The following DOCK2 variants were observed in gnomAD, a reference collection of about 807,000 sequenced individuals.
DOCK2 encodes the protein dedicator of cytokinesis protein 2.
DOCK2 carries 87 observed loss-of-function variants against 248.9 expected under a neutral mutation model. The observed-to-expected ratio is 0.35, with a 90% CI of 0.29 to 0.42. DOCK2 has a LOEUF of 0.42. DOCK2 is among the 10% of genes least tolerant of loss of function. DOCK2 has a pLI of 1.00. For missense variants in DOCK2, 1,747 were observed against 2,300.2 expected, an observed-to-expected ratio of 0.76 and a Z score of 4.92; for synonymous variants, 805 against 821.6, an observed-to-expected ratio of 0.98 and a Z score of 0.35.
At chr5:169,664,146 G>T (rs1302653229) in intron 2 of DOCK2, among the ~76,000 whole-genome samples, 1 of 152,176 alleles carries the variant, frequency 6.6e-6, no homozygotes, top group Admixed American at 6.5e-5. Context: ...TCTCTCTTAA[G>T]TTCAGATTTT....
intron 1 of DOCK2, among the ~76,000 whole-genome samples, chr5:169,653,568 C>T (rs112548886): frequency 0.016 from 2,361 of 152,282 alleles, 34 homozygotes; most frequent in Non-Finnish European, 0.023. Flanking sequence ...CCTTCCCTTG[C>T]GTAGCCCTCT....
At chr5:169,945,814 T>G (rs1053865506) in intron 27 of DOCK2, among the ~76,000 whole-genome samples, 2 of 152,228 alleles carry the variant, frequency 1.3e-5, no homozygotes, top group Non-Finnish European at 2.9e-5. Context: ...TTGTTTGGAT[T>G]CGCCCACGGC....
chr5:169,843,055 C>T (rs2113343294), intron 27 of DOCK2, among the ~76,000 whole-genome samples: 3 of 152,266 alleles, frequency 2.0e-5, no homozygotes, highest in Admixed American at 2.0e-4. Context: ...TGGTCACAAC[C>T]ACATTTTTCA....
At chr5:169,945,784 G>A (rs1041307427) in intron 27 of DOCK2, among the ~76,000 whole-genome samples, 1 of 152,210 alleles carries the variant, frequency 6.6e-6, no homozygotes, top group African/African-American at 2.4e-5. Context: ...TCAGCAGCCA[G>A]CACCTCTGGC....
At chr5:170,027,303 G>A (rs1755953562) in intron 33 of DOCK2, among the ~76,000 whole-genome samples, 1 of 152,122 alleles carries the variant, frequency 6.6e-6, no homozygotes, top group African/African-American at 2.4e-5. Flanking sequence ...CTGGAACTAG[G>A]GAGGGATGCT....
chr5:169,970,941 A>C (rs1777480123), intron 27 of DOCK2, among the ~76,000 whole-genome samples: 1 of 151,572 alleles, frequency 6.6e-6, no homozygotes, highest in South Asian at 2.1e-4. Context: ...CTTCAAAGGC[A>C]GGGGTTTTGC....
chr5:170,028,454 G>A (rs1268373487), intron 34 of DOCK2: 2 of 154,646 alleles, frequency 1.3e-5, no homozygotes, highest in Non-Finnish European at 2.9e-5. Context: ...CGAGCTAGTG[G>A]GGTGGACAAG....
chr5:169,900,126 AG>A (rs1410398535), intron 27 of DOCK2, among the ~76,000 whole-genome samples: 1 of 152,168 alleles, frequency 6.6e-6, no homozygotes, highest in Non-Finnish European at 1.5e-5. Context: ...GCTGGGCATC[AG>A]GAACACCTCC....
chr5:169,715,443 G>A (rs907242380), intron 19 of DOCK2, among the ~76,000 whole-genome samples: 7 of 152,074 alleles, frequency 4.6e-5, no homozygotes, highest in African/African-American at 9.7e-5. Context: ...TCCAGATGCC[G>A]TAAATGTATA....
intron 38 of DOCK2, among the ~76,000 whole-genome samples, chr5:170,045,413 C>T (rs144374096): frequency 1.3e-5 from 2 of 152,272 alleles, no homozygotes; most frequent in African/African-American, 2.4e-5. Context: ...AGAGCAAGGC[C>T]CTGGAGACAC....
intron 14 of DOCK2, among the ~76,000 whole-genome samples, chr5:169,703,427 C>T (rs1248124615): frequency 4.6e-5 from 7 of 152,210 alleles, no homozygotes; most frequent in Non-Finnish European, 8.8e-5. Flanking sequence ...GTGTCACTTA[C>T]AGTAACTCGC....
At chr5:169,672,371 A>T (rs924206781) in intron 5 of DOCK2, among the ~76,000 whole-genome samples, 1 of 152,146 alleles carries the variant, frequency 6.6e-6, no homozygotes, top group Non-Finnish European at 1.5e-5. Flanking sequence ...TCCCTTAGGA[A>T]ATCTTTGAAT....
intron 27 of DOCK2, among the ~76,000 whole-genome samples, chr5:169,879,014 G>A (rs1379745386): frequency 6.6e-6 from 1 of 152,194 alleles, no homozygotes; most frequent in East Asian, 1.9e-4. Flanking sequence ...GGCTTAGGGA[G>A]CAGAGAGAAG....
At chr5:169,901,197 G>A (rs557247940) in intron 27 of DOCK2, among the ~76,000 whole-genome samples, 98 of 152,274 alleles carry the variant, frequency 6.4e-4, no homozygotes, top group Admixed American at 1.6e-3. Context: ...CATGAAAAGA[G>A]GGTGTCCAGG....
chr5:170,006,084 T>C (rs916818440), intron 30 of DOCK2, among the ~76,000 whole-genome samples: 4 of 152,158 alleles, frequency 2.6e-5, no homozygotes, highest in African/African-American at 9.7e-5. Flanking sequence ...AGGTGTAAGC[T>C]CCGGACATAA....
rs183340982 is a variant in DOCK2 at position 169,871,297 on chromosome 5, C to T, written c.2799+30445C>T. On this transcript the variant is annotated intron_variant, in intron 27 of 51. Coordinates refer to ENST00000520908, the MANE Select transcript of DOCK2 (RefSeq NM_004946.3). ...TTTTAGCCATGGACCTAACTCTTTC[C>T]AGCATTTTATTCTAAGGAGAAGAAA... 2.6e-5 allele frequency among the ~76,000 whole-genome samples: 4 copies of T among 152,230 alleles called. No individual in the cohort carries two copies. The East Asian group carries it at 5.8e-4, about 22-fold the overall frequency.
At chr5:169,849,857 C>T (rs963965658) in intron 27 of DOCK2, among the ~76,000 whole-genome samples, 6 of 152,176 alleles carry the variant, frequency 3.9e-5, no homozygotes, top group African/African-American at 9.7e-5. Flanking sequence ...CCATTGAGAT[C>T]GCTAGCCTGA....
chr5:170,047,655 G>C, intron 40 of DOCK2, 41 bp downstream of exon 40: 2 of 1,571,976 alleles, frequency 1.3e-6, no homozygotes, highest in South Asian at 2.2e-5. Context: ...GAGAGCCCCA[G>C]GGCCTCGGCA....
In DOCK2 at chr5:170,077,724, C is replaced by T; in HGVS notation, c.4881C>T (p.Asp1627=). The change falls in exon 48 of 52, where the codon GAC becomes GAT. Residue 1627 remains aspartate (D), a synonymous_variant. Transcript: ENST00000520908. ...TCCCACCACAGCCTGACTTTGACGA[C>T]AGGAGAGTGGGCCGTCCCAGGTCTA... ...YGVREMPDFD[D]RRVGRPRSML... 6.2e-7 allele frequency: 1 copy of T among 1,613,816 alleles called. No individual in the cohort carries two copies. The highest frequency in any genetic ancestry group is 8.5e-7 in the Non-Finnish European group (1 of 1,179,888).
Sources: allele counts gnomAD v4.1 joint callset (sites outside exome capture counted in the v4.1 genomes callset), GRCh38; gene constraint gnomAD v4.1.1; transcripts MANE v1.5; gene names NCBI Gene and HGNC (gene_info 2026-07-23, HGNC 2026-07-21).